Variants in MAST4 observed in about 807,000 individuals in gnomAD.
MAST4 encodes the protein microtubule-associated serine/threonine-protein kinase 4.
In MAST4, 89 loss-of-function variants were observed where a neutral mutation model predicts 162.7. The ratio of observed to expected loss-of-function variants is 0.55; its 90% CI spans 0.46 to 0.65. The LOEUF (loss-of-function observed/expected upper bound fraction) is 0.65, where lower values mean the gene tolerates loss of function less well. MAST4 is among the 30% of genes least tolerant of loss of function. The probability of loss-of-function intolerance (pLI) is 0.00; values close to 1 mark genes in which losing one functional copy is unlikely to be tolerated. For synonymous variants in MAST4, 1,479 were observed against 1,361.1 expected (o/e 1.09, Z -1.91); for missense variants, 3,153 against 3,374.0 (o/e 0.93, Z 1.62).
Position 66,788,713 on chromosome 5 carries a change from G to A in MAST4, c.561G>A (p.Pro187=). 1.2e-6 allele frequency: 2 copies of A among 1,612,850 alleles called. No individual in the cohort carries two copies. The highest frequency in any genetic ancestry group is 2.2e-5 in the East Asian group (1 of 44,772). ...ACCCGGTGGCGGGACAGGCCTGGCC[G>A]GCCTCTGCAGAGACGTCCAACCTCG... ...LPNPVAGQAW[P]ASAETSNLVR... The change falls in exon 3 of 29, where the codon CCG becomes CCA. Residue 187 remains proline (P), a synonymous_variant. Transcript: ENST00000403625.
chr5:67,038,194 A>G (rs1756268634), intron 4 of MAST4, among the ~76,000 whole-genome samples: 1 of 151,394 alleles, frequency 6.6e-6, no homozygotes, highest in African/African-American at 2.4e-5. Flanking sequence ...ATTCTAGTTT[A>G]GATGATTTTA....
At chr5:67,053,339 G>T (rs77134294) in intron 4 of MAST4, among the ~76,000 whole-genome samples, 2,869 of 152,256 alleles carry the variant, frequency 0.019, 112 homozygotes, top group African/African-American at 0.066. Context: ...TAAATTAGAA[G>T]TCCAGTGAAA....
chr5:66,828,775 C>A (rs576839103), intron 3 of MAST4: 9 of 1,573,086 alleles, frequency 5.7e-6, no homozygotes, highest in Non-Finnish European at 7.8e-6. Flanking sequence ...TCTGAATTAG[C>A]GTGCTGAAGT....
chr5:66,710,513 G>T (rs1750427831), intron 1 of MAST4, among the ~76,000 whole-genome samples: 1 of 152,016 alleles, frequency 6.6e-6, no homozygotes, highest in Non-Finnish European at 1.5e-5. Flanking sequence ...ATCTTCCGTA[G>T]CCCAGGGAAT....
chr5:66,699,147 T>C (rs4700155), intron 1 of MAST4, among the ~76,000 whole-genome samples: 112,012 of 152,136 alleles, frequency 0.74, 41,908 homozygotes, highest in East Asian at 0.88. Context: ...CCCCCAGCCA[T>C]GTTAGTCCTC....
chr5:67,004,138 C>T (rs1357902707), intron 4 of MAST4, among the ~76,000 whole-genome samples: 2 of 152,182 alleles, frequency 1.3e-5, no homozygotes, highest in Non-Finnish European at 2.9e-5. Context: ...GGATCCATTC[C>T]GGGCTCCGGG....
intron 3 of MAST4, among the ~76,000 whole-genome samples, chr5:66,819,681 C>T (rs1756896848): frequency 6.6e-6 from 1 of 151,822 alleles, no homozygotes; most frequent in Admixed American, 6.6e-5. Flanking sequence ...AGAGTTTTTT[C>T]CATTTTGTGT....
At chr5:66,843,539 T>C (rs562315828) in intron 3 of MAST4, among the ~76,000 whole-genome samples, 27 of 152,280 alleles carry the variant, frequency 1.8e-4, no homozygotes, top group Middle Eastern at 3.4e-3. Flanking sequence ...AGCACTAACA[T>C]TTTCTGATAC....
At chr5:66,918,674 C>T (rs201232425) in intron 4 of MAST4, among the ~76,000 whole-genome samples, 1 of 65,970 alleles carries the variant, frequency 1.5e-5, no homozygotes, top group African/African-American at 4.2e-5. Context: ...CAAATAAAGA[C>T]AAACAAATGT....
At chr5:67,160,354 T>A in intron 26 of MAST4, 102 bp from the exon 27 acceptor site, 1 of 1,224,928 alleles carries the variant, frequency 8.2e-7, no homozygotes, top group Non-Finnish European at 1.1e-6. Flanking sequence ...CTTTTATATG[T>A]ATGTTCCTTT....
intron 5 of MAST4, among the ~76,000 whole-genome samples, chr5:67,065,622 A>C (rs1352532463): frequency 6.6e-6 from 1 of 152,236 alleles, no homozygotes; most frequent in African/African-American, 2.4e-5. Flanking sequence ...CCATCAGGCA[A>C]CCAGTAAGGG....
chr5:67,160,005 C>T (rs1297152775), intron 26 of MAST4, among the ~76,000 whole-genome samples: 7 of 152,196 alleles, frequency 4.6e-5, no homozygotes, highest in Non-Finnish European at 7.3e-5. Flanking sequence ...GAGCAGCCAG[C>T]CACTGGGAAC....
At chr5:66,812,585 C>T (rs1462630862) in intron 3 of MAST4, among the ~76,000 whole-genome samples, 1 of 152,052 alleles carries the variant, frequency 6.6e-6, no homozygotes. Context: ...ATCTACAAAG[C>T]GGAAAAATAG....
chr5:67,149,326 C>T (rs915364712), intron 23 of MAST4, 63 bp from the exon 24 acceptor site: 68 of 1,452,520 alleles, frequency 4.7e-5, no homozygotes, highest in Non-Finnish European at 6.1e-5. Flanking sequence ...TCTCTCTTCC[C>T]GTCTTCCCAC....
chr5:66,687,786 C>A (rs1209046246), intron 1 of MAST4, among the ~76,000 whole-genome samples: 1 of 151,292 alleles, frequency 6.6e-6, no homozygotes, highest in Non-Finnish European at 1.5e-5. Context: ...GACCAGGAAT[C>A]TTTTTGATAA....
At chr5:66,936,148 G>T (rs1216871025) in intron 4 of MAST4, among the ~76,000 whole-genome samples, 1 of 152,152 alleles carries the variant, frequency 6.6e-6, no homozygotes, top group African/African-American at 2.4e-5. Flanking sequence ...GTGTTATTCT[G>T]GTTTCAAAAC....
chr5:66,980,257 A>G (rs1748627783), intron 4 of MAST4, among the ~76,000 whole-genome samples: 1 of 152,216 alleles, frequency 6.6e-6, no homozygotes, highest in African/African-American at 2.4e-5. Context: ...TGCTAGATGC[A>G]TGACAACGCC....
chr5:67,142,309 T>G, intron 20 of MAST4, 72 bp downstream of exon 20: 1 of 1,564,486 alleles, frequency 6.4e-7, no homozygotes, highest in East Asian at 2.3e-5. Flanking sequence ...CTTTTGAACC[T>G]TTTCATATCT....
chr5:66,998,839 G>A (rs1750956030), intron 4 of MAST4, among the ~76,000 whole-genome samples: 1 of 152,216 alleles, frequency 6.6e-6, no homozygotes, highest in African/African-American at 2.4e-5. Context: ...TGATACAGTG[G>A]AAGAACCCTT....
Sources: allele counts gnomAD v4.1 joint callset (sites outside exome capture counted in the v4.1 genomes callset), GRCh38; gene constraint gnomAD v4.1.1; transcripts MANE v1.5; gene names NCBI Gene and HGNC (gene_info 2026-07-23, HGNC 2026-07-21).